LEPR: variants seen among roughly 807,000 people sequenced by gnomAD.
The protein encoded by LEPR is OB receptor.
In LEPR, 56 loss-of-function variants were observed where a neutral mutation model predicts 114.7. The ratio of observed to expected loss-of-function variants is 0.49; its 90% confidence interval spans 0.39 to 0.61. The LOEUF is 0.61. Ranked by LOEUF, LEPR falls within the 20% of genes least tolerant of loss-of-function variation. The pLI is 0.00. For synonymous variants in LEPR, 443 were observed against 461.4 expected, an observed-to-expected ratio of 0.96 and a Z score of 0.51; for missense variants, 1,202 against 1,352.9, an observed-to-expected ratio of 0.89 and a Z score of 1.75.
intron 1 of LEPR, among the ~76,000 whole-genome samples, chr1:65,424,212 G>A (rs1646312741): frequency 6.6e-6 from 1 of 152,150 alleles, no homozygotes; most frequent in South Asian, 2.1e-4. Context: ...ATAGATACAG[G>A]GAATACATAT....
At chr1:65,564,756 A>G (rs560432478) in intron 2 of LEPR, among the ~76,000 whole-genome samples, 6 of 152,322 alleles carry the variant, frequency 3.9e-5, no homozygotes, top group Admixed American at 3.9e-4. Context: ...CCCACAGCTG[A>G]TTACCGGAAG....
intron 2 of LEPR, chr1:65,432,371 C>A: frequency 1.0e-6 from 1 of 960,796 alleles, no homozygotes; most frequent in Non-Finnish European, 1.2e-6. Flanking sequence ...CTCAACATTT[C>A]CTAGAGCCTT....
chr1:65,610,897 TC>T (rs1182369974), intron 14 of LEPR, among the ~76,000 whole-genome samples: 5 of 152,222 alleles, frequency 3.3e-5, no homozygotes, highest in Non-Finnish European at 7.3e-5. Flanking sequence ...AAAGAGTATT[TC>T]TGTCACTCCA....
chr1:65,572,514 C>A, intron 5 of LEPR, 65 bp downstream of exon 5: 1 of 1,447,494 alleles, frequency 6.9e-7, no homozygotes, highest in South Asian at 1.2e-5. Flanking sequence ...CTTTCATATA[C>A]GGAAGTAGAT....
At chr1:65,525,637 C>T in intron 2 of LEPR, 1 of 985,858 alleles carries the variant, frequency 1.0e-6, no homozygotes, top group Non-Finnish European at 1.2e-6. Flanking sequence ...CTGCTCAGCC[C>T]CACCTCCCCA....
chr1:65,425,383 G>A lies in LEPR; in HGVS notation c.-21+5G>A. 6.3e-7 allele frequency: 1 copy of A among 1,592,810 alleles called. No individual in the cohort carries two copies. The highest frequency in any genetic ancestry group is 8.5e-7 in the Non-Finnish European group (1 of 1,173,410). On this transcript the variant is annotated splice_donor_5th_base_variant and intron_variant, in intron 2 of 19. Coordinates refer to ENST00000349533, the MANE Select transcript of LEPR (RefSeq NM_002303.6). ...ATGTGCCTTAGAGGATTATGGGTAA[G>A]TTATCATTTCAAAAAGAACTATTCC...
chr1:65,565,462 T>G, intron 2 of LEPR, 84 bp from the exon 3 acceptor site: 1 of 1,335,028 alleles, frequency 7.5e-7, no homozygotes, highest in Non-Finnish European at 1.1e-6. Flanking sequence ...TATAATCCCT[T>G]TCCTTTTATG....
intron 2 of LEPR, among the ~76,000 whole-genome samples, chr1:65,539,174 C>T (rs1459963523): frequency 2.7e-5 from 4 of 149,194 alleles, no homozygotes; most frequent in African/African-American, 4.9e-5. Flanking sequence ...TTCTTGCTCT[C>T]ATTATTCCTT....
intron 2 of LEPR, chr1:65,433,719 T>C (rs1428697866): frequency 4.3e-6 from 4 of 923,826 alleles, no homozygotes; most frequent in Non-Finnish European, 5.2e-6. Context: ...AGAAAAATTA[T>C]TTAGATACTT....
intron 2 of LEPR, among the ~76,000 whole-genome samples, chr1:65,481,014 C>T (rs567202638): frequency 6.6e-6 from 1 of 152,298 alleles, no homozygotes; most frequent in East Asian, 1.9e-4. Context: ...TTTCTCACAG[C>T]TTTGGAGGCT....
In LEPR at chr1:65,611,172, C is replaced by A. The variant is rs185223541; in HGVS notation, c.1995+876C>A. On this transcript the variant is annotated intron_variant, in intron 14 of 19. Transcript: ENST00000349533. ...TTGCTCTCCTTAAAAAATTTAGTTT[C>A]TTTTGTTATTGCTCTCTTTTCTTTT... is the stretch of plus-strand genomic sequence containing the variant. 1.6e-4 allele frequency among the ~76,000 whole-genome samples: 24 copies of A among 152,060 alleles called. No individual in the cohort carries two copies. In the East Asian group the frequency reaches 4.3e-3, roughly 27 times the overall value.
intron 2 of LEPR, chr1:65,431,993 T>C (rs1311280797): frequency 6.7e-7 from 1 of 1,495,772 alleles, no homozygotes; most frequent in Non-Finnish European, 8.9e-7. Flanking sequence ...CATGCGGCAT[T>C]TTACTATGAA....
At chr1:65,466,409 G>A (rs182256287) in intron 2 of LEPR, among the ~76,000 whole-genome samples, 2 of 152,140 alleles carry the variant, frequency 1.3e-5, no homozygotes, top group African/African-American at 4.8e-5. Context: ...TAGTCTGATG[G>A]GCTTCTCTTT....
Position 65,610,233 on chromosome 1 carries a change from A to C in LEPR, c.1932A>C (p.Glu644Asp), listed in dbSNP as rs765223387. The stretch of plus-strand genomic sequence containing the variant: ...TTGCAGTTCCTATGAGAGGACCTGA[A>C]TTTTGGAGAATAATTAATGGAGATA... ...MDIKVPMRGP[E>D]FWRIINGDTM... The change falls in exon 14 of 20, where the codon GAA becomes GAC. Residue 644 changes from glutamate to aspartate, a missense_variant. Transcript: ENST00000349533. The C allele has an allele frequency of 1.7e-5, 28 of 1,613,924 alleles. No individual in the cohort carries two copies. Among genetic ancestry groups the C allele is most frequent in the Non-Finnish European group, 2.3e-5 (27 of 1,179,950 alleles).
intron 2 of LEPR, among the ~76,000 whole-genome samples, chr1:65,468,235 T>C (rs72921458): frequency 0.015 from 2,292 of 152,274 alleles, 54 homozygotes; most frequent in African/African-American, 0.052. Context: ...GCTGACTCAA[T>C]GTAATGTGGT....
chr1:65,479,865 A>G (rs1173626666), intron 2 of LEPR, among the ~76,000 whole-genome samples: 1 of 152,186 alleles, frequency 6.6e-6, no homozygotes, highest in Non-Finnish European at 1.5e-5. Context: ...AAGAAACTTG[A>G]TCTTAGTAGG....
chr1:65,610,721 G>A (rs1305667772), intron 14 of LEPR, among the ~76,000 whole-genome samples: 2 of 152,202 alleles, frequency 1.3e-5, no homozygotes, highest in Non-Finnish European at 1.5e-5. Context: ...TTCCATTTAT[G>A]TGATGGCATA....
At chr1:65,551,542 G>C (rs1652360824) in intron 2 of LEPR, among the ~76,000 whole-genome samples, 1 of 152,076 alleles carries the variant, frequency 6.6e-6, no homozygotes, top group African/African-American at 2.4e-5. Context: ...ATTTCTGTGG[G>C]ATCAGTGGTG....
intron 2 of LEPR, among the ~76,000 whole-genome samples, chr1:65,544,223 C>T (rs1283222462): frequency 6.6e-6 from 1 of 151,882 alleles, no homozygotes. Flanking sequence ...GGAGTTCACT[C>T]ATGATTTGGT....
Sources: allele counts gnomAD v4.1 joint callset (sites outside exome capture counted in the v4.1 genomes callset), GRCh38; gene constraint gnomAD v4.1.1; transcripts MANE v1.5; gene names NCBI Gene and HGNC (gene_info 2026-07-23, HGNC 2026-07-21).